MKRN2: variants seen among roughly 807,000 people sequenced by gnomAD.
MKRN2 encodes E3 ubiquitin-protein ligase makorin-2.
A neutral mutation model predicts 45.4 loss-of-function variants in MKRN2; 32 were observed. The ratio of observed to expected loss-of-function variants is 0.70; its 90% CI spans 0.53 to 0.95. The LOEUF is 0.95. Among genes scored for constraint, MKRN2 ranks in the 40% least tolerant of loss-of-function variants. MKRN2 has a pLI of 0.00. For missense variants in MKRN2, 526 were observed against 536.7 expected (o/e 0.98, Z 0.20); for synonymous variants, 206 against 192.4 (o/e 1.07, Z -0.59).
intron 1 of MKRN2, among the ~76,000 whole-genome samples, chr3:12,561,399 CT>C (rs2058035539): frequency 6.6e-6 from 1 of 152,198 alleles, no homozygotes; most frequent in African/African-American, 2.4e-5. Flanking sequence ...TCTTGTCTGC[CT>C]TGTTAACAAA....
intron 6 of MKRN2, 44 bp from the exon 7 acceptor site, chr3:12,581,761 CCCT>C (rs754672121): frequency 2.5e-6 from 4 of 1,605,026 alleles, no homozygotes; most frequent in Non-Finnish European, 3.4e-6. Flanking sequence ...CAGTTTGGAC[CCCT>C]CATTTTCCCA....
At position 12,583,462 on chromosome 3, in the gene MKRN2, G is replaced by A; in HGVS notation, c.*1209G>A. ...AGTAGAGGTTTACAAAGAGTACAAA[G>A]GTTAAATTACAAATTCATTCCCAGC... On this transcript the variant is annotated 3_prime_UTR_variant, in exon 8 of 8. Transcript: ENST00000170447. 1 of 197,158 alleles carries A rather than the reference G, an allele frequency of 5.1e-6. No individual in the cohort carries two copies. 12.2% of individuals were successfully genotyped at this position (197,158 alleles called of 1,614,324 possible). A position where few individuals can be genotyped will look rare whatever the true frequency, so the allele number is the denominator to read the frequency against.
rs771416926 is a variant in MKRN2 at position 12,568,974 on chromosome 3, G to T, written c.126G>T (p.Lys42Asn). 5.6e-6 allele frequency: 9 copies of T among 1,614,002 alleles called. No homozygotes were observed. In the East Asian group the frequency reaches 1.8e-4, roughly 32 times the overall value. The change falls in exon 2 of 8, where the codon AAG becomes AAT. Residue 42 changes from lysine (K) to asparagine (N), a missense_variant. By Grantham distance (94) the Lys-to-Asn change is moderately conservative. Transcript: ENST00000170447. ...KPSTICKYYQKGYCAYGTRCR... is the reference protein window; with the variant it reads ...KPSTICKYYQNGYCAYGTRCR... ...CCACCATCTGCAAGTACTACCAGAA[G>T]GGCTACTGTGCCTATGGAACTCGGT...
intron 1 of MKRN2, among the ~76,000 whole-genome samples, chr3:12,558,915 T>A (rs770765923): frequency 1.3e-5 from 2 of 152,244 alleles, no homozygotes; most frequent in Non-Finnish European, 2.9e-5. Context: ...CCACAGATCG[T>A]AAAACTGAGC....
At chr3:12,581,219 T>C (rs897840749) in intron 6 of MKRN2, among the ~76,000 whole-genome samples, 1 of 152,198 alleles carries the variant, frequency 6.6e-6, no homozygotes, top group African/African-American at 2.4e-5. Flanking sequence ...TGAAAAACAC[T>C]GTTCAGAGAA....
At chr3:12,576,942 T>TG (rs1361706671) in intron 6 of MKRN2, 7 of 261,960 alleles carry the variant, frequency 2.7e-5, no homozygotes, top group South Asian at 4.8e-5. Context: ...TGTTTTTTTT[T>TG]TTTTTTTTTT....
intron 3 of MKRN2, 55 bp downstream of exon 3, chr3:12,570,307 C>A: frequency 6.5e-7 from 1 of 1,527,708 alleles, no homozygotes; most frequent in Non-Finnish European, 8.9e-7. Flanking sequence ...CTTGTTAATG[C>A]TTGGTGCTCC....
chr3:12,572,030 G>A (rs544885361), intron 3 of MKRN2, 39 bp from the exon 4 acceptor site: 3 of 1,523,156 alleles, frequency 2.0e-6, no homozygotes, highest in African/African-American at 1.4e-5. Flanking sequence ...GAAAAATGGG[G>A]CCATTTTCAT....
intron 6 of MKRN2, among the ~76,000 whole-genome samples, chr3:12,580,951 G>T (rs1057195792): frequency 2.0e-5 from 3 of 152,008 alleles, no homozygotes; most frequent in Non-Finnish European, 4.4e-5. Flanking sequence ...CTTTATTTCT[G>T]TGACTTTCCC....
At chr3:12,575,075 A>G in intron 5 of MKRN2, 69 bp downstream of exon 5, 3 of 1,447,006 alleles carry the variant, frequency 2.1e-6, no homozygotes, top group Non-Finnish European at 2.9e-6. Flanking sequence ...TATTCCGTCC[A>G]CTTTTAAGCC....
chr3:12,567,961 GTGATACATC>G (rs1410117591), intron 1 of MKRN2, among the ~76,000 whole-genome samples: 1 of 152,192 alleles, frequency 6.6e-6, no homozygotes, highest in Non-Finnish European at 1.5e-5. Context: ...TACAGAACAT[GTGATACATC>G]TGATATTCTG....
intron 1 of MKRN2, among the ~76,000 whole-genome samples, chr3:12,563,524 T>C (rs1469404985): frequency 7.3e-6 from 1 of 137,740 alleles, no homozygotes; most frequent in Non-Finnish European, 1.5e-5. Flanking sequence ...GGAGTCTCAC[T>C]CTGTCGCCAG....
intron 6 of MKRN2, among the ~76,000 whole-genome samples, chr3:12,579,826 C>T (rs116538437): frequency 0.017 from 2,599 of 152,090 alleles, 78 homozygotes; most frequent in African/African-American, 0.059. Context: ...TGGGGCCAGG[C>T]GCAGTGGCTT....
At chr3:12,563,469 C>A (rs1163833918) in intron 1 of MKRN2, among the ~76,000 whole-genome samples, 2 of 149,736 alleles carry the variant, frequency 1.3e-5, no homozygotes, top group Non-Finnish European at 3.0e-5. Flanking sequence ...ACCATTCCCT[C>A]CTGTTGTCTA....
chr3:12,569,089 G>C (rs1460568700), intron 2 of MKRN2, 86 bp downstream of exon 2: 1 of 1,446,250 alleles, frequency 6.9e-7, no homozygotes, highest in Admixed American at 2.5e-5. Context: ...TAATGTAAAA[G>C]TAATATGGCA....
rs1479641363 is a variant in MKRN2, at chr3:12,568,891, G to T, written c.43G>T (p.Val15Leu). Reference protein sequence around the residue: ...QITCRYFMHGVCREGSQCLFS... With the variant: ...QITCRYFMHGLCREGSQCLFS... ...TCTCTGCAGGTATTTTATGCATGGT[G>T]TGTGTCGGGAAGGAAGTCAGTGCCT... The change falls in exon 2 of 8, where the codon GTG (valine) becomes TTG (leucine). Residue 15 changes from valine (V) to leucine (L), a missense_variant. Physicochemically the swap from Val to Leu is conservative, Grantham distance 32. Coordinates refer to ENST00000170447, the MANE Select transcript of MKRN2 (RefSeq NM_014160.5). 2 of 1,613,732 alleles carry T rather than the reference G, an allele frequency of 1.2e-6. No individual in the cohort carries two copies. Among genetic ancestry groups the T allele is most frequent in the Non-Finnish European group, 8.5e-7 (1 of 1,179,910 alleles).
chr3:12,574,885 C>T lies in MKRN2; in HGVS notation c.736C>T (p.Leu246=), dbSNP rs1349495270. 1 of 1,614,182 alleles carries T rather than the reference C, an allele frequency of 6.2e-7. No individual in the cohort carries two copies. Among genetic ancestry groups the T allele is most frequent in the East Asian group, 2.2e-5 (1 of 44,894 alleles). ...GTGCAGTATCTGCATGGAAGTGATC[C>T]TGGAGAAGGCCTCTGCTTCTGAGAG... ...KVCSICMEVI[L]EKASASERRF... is the part of the protein sequence containing the mutation. Residue 246 remains leucine (L), a synonymous_variant, in exon 5 of 8, where the codon CTG becomes TTG. Coordinates refer to ENST00000170447, the MANE Select transcript of MKRN2 (RefSeq NM_014160.5).
chr3:12,581,267 T>C (rs2058176614), intron 6 of MKRN2, among the ~76,000 whole-genome samples: 1 of 152,244 alleles, frequency 6.6e-6, no homozygotes, highest in Non-Finnish European at 1.5e-5. Context: ...AAGCCCTCCC[T>C]GGTGCCGAGG....
In MKRN2 at chr3:12,576,943, T is replaced by TTTTTTTTTTTG. The variant is rs1559391629; in HGVS notation, c.968+212_968+213insGTTTTTTTTTT. The TTTTTTTTTTTG allele has an allele frequency of 1.1e-5, 3 of 263,866 alleles. 1 individual carries two copies. The highest frequency in any genetic ancestry group is 6.0e-5 in the African/African-American group (2 of 33,064). 16.3% of individuals were successfully genotyped at this position (263,866 alleles called of 1,614,324 possible). A position where few individuals can be genotyped will look rare whatever the true frequency, so the allele number is the denominator to read the frequency against. ...CTGTTTAGTTTTGGTGTTTTTTTTT[T>TTTTTTTTTTTG]TTTTTTTTTTTTTTCGGTGAGATAG... On this transcript the variant is annotated intron_variant, in intron 6 of 7. Transcript: ENST00000170447.
Sources: gnomAD v4.1 joint callset for allele counts (sites outside exome capture counted in the v4.1 genomes callset) on GRCh38, gnomAD v4.1.1 for gene constraint, MANE v1.5 for transcripts, NCBI Gene and HGNC (gene_info 2026-07-23, HGNC 2026-07-21) for gene names.